The following SRBD1 variants were observed in gnomAD, a reference collection of about 807,000 sequenced individuals.
The protein encoded by SRBD1 is S1 RNA binding domain 1.
Under a neutral mutation model 115.3 loss-of-function variants are expected in SRBD1, and 88 were observed. The ratio of observed to expected loss-of-function variants is 0.76; its 90% CI spans 0.64 to 0.91. The LOEUF is 0.91. Among genes scored for constraint, SRBD1 ranks in the 40% least tolerant of loss-of-function variants. The pLI is 0.00. For missense variants in SRBD1, 1,385 were observed against 1,177.4 expected (o/e 1.18, Z -2.58); for synonymous variants, 509 against 407.7 (o/e 1.25, Z -2.99).
At chr2:45,451,022 T>C (rs1481150290) in intron 16 of SRBD1, among the ~76,000 whole-genome samples, 1 of 152,136 alleles carries the variant, frequency 6.6e-6, no homozygotes, top group African/African-American at 2.4e-5. Flanking sequence ...CCTGTAACAG[T>C]AGACGGCCAT....
chr2:45,442,906 G>A (rs576049703), intron 16 of SRBD1, among the ~76,000 whole-genome samples: 6 of 152,094 alleles, frequency 3.9e-5, no homozygotes, highest in South Asian at 2.1e-4. Flanking sequence ...GTAGTGTCTC[G>A]TCCCTAAAAG....
chr2:45,402,312 C>T (rs1316842401), intron 19 of SRBD1, among the ~76,000 whole-genome samples: 3 of 152,154 alleles, frequency 2.0e-5, no homozygotes, highest in Non-Finnish European at 2.9e-5. Flanking sequence ...GAAGTTTCTT[C>T]CCTCCCCAAA....
intron 15 of SRBD1, among the ~76,000 whole-genome samples, chr2:45,478,916 G>A (rs932201837): frequency 2.0e-5 from 3 of 152,134 alleles, no homozygotes; most frequent in African/African-American, 7.2e-5. Flanking sequence ...CCTGAGTTGG[G>A]CAAGTCTATT....
At chr2:45,427,569 G>C (rs910156490) in intron 16 of SRBD1, among the ~76,000 whole-genome samples, 45 of 152,286 alleles carry the variant, frequency 3.0e-4, no homozygotes, top group African/African-American at 9.4e-4. Flanking sequence ...GCAACAAGAA[G>C]AGCTAACTAT....
rs559061398 is a variant in SRBD1, at chr2:45,459,684, A to C, written c.2049+17309T>G. Among the ~76,000 whole-genome samples, 9 of 152,250 alleles carry C rather than the reference A, an allele frequency of 5.9e-5. No homozygotes were observed. The South Asian group carries it at 1.7e-3, about 28-fold the overall frequency. ...TGCACCTTGAGGCACTTCCATGTCT[A>C]ATTTTTTTCCCTTTAACACTCCTTC... On this transcript the variant is annotated intron_variant, in intron 16 of 20. Transcript: ENST00000263736.
At chr2:45,427,136 A>T (rs1054508895) in intron 16 of SRBD1, among the ~76,000 whole-genome samples, 1 of 152,220 alleles carries the variant, frequency 6.6e-6, no homozygotes, top group African/African-American at 2.4e-5. Flanking sequence ...ACTAAAGGAA[A>T]AATAAGCAGG....
intron 6 of SRBD1, among the ~76,000 whole-genome samples, chr2:45,580,743 T>A (rs1223414201): frequency 1.2e-4 from 17 of 139,330 alleles, no homozygotes; most frequent in African/African-American, 4.4e-4. Flanking sequence ...TGGAGTGCAG[T>A]GGCACGATCT....
intron 10 of SRBD1, among the ~76,000 whole-genome samples, chr2:45,554,851 C>A (rs748902786): frequency 6.6e-6 from 1 of 152,130 alleles, no homozygotes; most frequent in Non-Finnish European, 1.5e-5. Flanking sequence ...GATTATAGCT[C>A]CCCTTAACTG....
At chr2:45,573,858 G>C (rs1403017558) in intron 8 of SRBD1, among the ~76,000 whole-genome samples, 1 of 152,144 alleles carries the variant, frequency 6.6e-6, no homozygotes, top group Non-Finnish European at 1.5e-5. Flanking sequence ...GAGCCACTGA[G>C]AAAATACAAA....
intron 12 of SRBD1, among the ~76,000 whole-genome samples, chr2:45,548,549 CAA>C (rs1672192105): frequency 6.6e-6 from 1 of 151,784 alleles, no homozygotes; most frequent in African/African-American, 2.4e-5. Flanking sequence ...ATCCTATAAG[CAA>C]TACAATAACT....
In SRBD1 at chr2:45,551,302, G is replaced by T. The variant is rs771425624; in HGVS notation, c.1518-20C>A. 2.5e-6 allele frequency: 4 copies of T among 1,575,404 alleles called. No individual in the cohort carries two copies. The highest frequency in any genetic ancestry group is 2.4e-5 in the South Asian group (2 of 82,866). ...TTGGCTCTTTAGAAATAGAAGAAAA[G>T]AAAAAGTTTTTCATTCACCCAAATT... On this transcript the variant is annotated intron_variant, in intron 11 of 20. Coordinates refer to ENST00000263736, the MANE Select transcript of SRBD1 (RefSeq NM_018079.5).
rs80262873 is a variant in SRBD1, at chr2:45,559,910, T to C, written c.1409+2743A>G. On this transcript the variant is annotated intron_variant, in intron 10 of 20. Coordinates refer to ENST00000263736, the MANE Select transcript of SRBD1 (RefSeq NM_018079.5). ...AGCCTGGGAAATATGGCAAAACCCCTGTCTCTACAAGAAAGAAAAATTTAG... is the reference window on the plus strand; with the variant it reads ...AGCCTGGGAAATATGGCAAAACCCCCGTCTCTACAAGAAAGAAAAATTTAG... Among the ~76,000 whole-genome samples, 557 of 152,004 alleles carry C rather than the reference T, an allele frequency of 3.7e-3. 10 individuals are homozygous for C. The highest frequency in any genetic ancestry group is 0.013 in the African/African-American group (528 of 41,440).
chr2:45,538,696 T>C (rs1671841415), intron 14 of SRBD1, among the ~76,000 whole-genome samples: 1 of 152,220 alleles, frequency 6.6e-6, no homozygotes, highest in South Asian at 2.1e-4. Flanking sequence ...AAAGAAAAAG[T>C]TGTTCTCTTC....
chr2:45,582,594 A>AT (rs1460370740), intron 5 of SRBD1, among the ~76,000 whole-genome samples: 9 of 151,922 alleles, frequency 5.9e-5, no homozygotes, highest in African/African-American at 2.2e-4. Context: ...ATGGTTTTTT[A>AT]TTTTACTTAG....
chr2:45,609,962 C>T lies in SRBD1; in HGVS notation c.-1+1257G>A, dbSNP rs534702488. Among the ~76,000 whole-genome samples the T allele has an allele frequency of 1.4e-4, 22 of 152,224 alleles. No individual in the cohort carries two copies. The South Asian group carries it at 4.4e-3, about 30-fold the overall frequency. On this transcript the variant is annotated intron_variant, in intron 1 of 20. Transcript: ENST00000263736. ...AGATGCCCTACAACTATTAAATGAACATAATATGTACAAATATGGTCTCTA... is the reference window on the plus strand; with the variant it reads ...AGATGCCCTACAACTATTAAATGAATATAATATGTACAAATATGGTCTCTA...
At chr2:45,608,470 T>C (rs932742165) in intron 1 of SRBD1, among the ~76,000 whole-genome samples, 4 of 152,284 alleles carry the variant, frequency 2.6e-5, no homozygotes, top group Non-Finnish European at 2.9e-5. Flanking sequence ...TAAACACCAA[T>C]ATTCTTGAGG....
Position 45,573,341 on chromosome 2 carries a change from A to T in SRBD1, c.1171T>A (p.Cys391Ser). Residue 391 changes from cysteine (C) to serine (S), a missense_variant and splice_region_variant, in exon 9 of 21, where the codon TGC becomes AGC. Physicochemically the swap from Cys to Ser is moderately radical, Grantham distance 112 (BLOSUM62 -1). Coordinates refer to ENST00000263736, the MANE Select transcript of SRBD1 (RefSeq NM_018079.5). ...TGGATACAAACATGTCTCTTCTGGC[A>T]CCTGTTCAGATACACAAGTGTTCAA... Reference protein sequence around the residue: ...KDTLDFIRNLCQKRHVCIQSS... With the variant: ...KDTLDFIRNLSQKRHVCIQSS... 6.2e-7 allele frequency: 1 copy of T among 1,607,112 alleles called. No individual in the cohort carries two copies. Among genetic ancestry groups the T allele is most frequent in the Non-Finnish European group, 8.5e-7 (1 of 1,177,846 alleles).
chr2:45,506,945 CTTAA>C (rs1242922523), intron 14 of SRBD1, among the ~76,000 whole-genome samples: 14 of 152,120 alleles, frequency 9.2e-5, no homozygotes, highest in Admixed American at 9.2e-4. Context: ...ACTTGGCTGA[CTTAA>C]TTGATTCCAG....
intron 4 of SRBD1, among the ~76,000 whole-genome samples, chr2:45,596,288 G>C (rs933089168): frequency 1.3e-5 from 2 of 152,066 alleles, no homozygotes; most frequent in African/African-American, 2.4e-5. Context: ...AAGTAATCTT[G>C]CCTTTCTCTT....
Sources: allele counts gnomAD v4.1 joint callset (sites outside exome capture counted in the v4.1 genomes callset), GRCh38; gene constraint gnomAD v4.1.1; transcripts MANE v1.5; gene names NCBI Gene and HGNC (gene_info 2026-07-23, HGNC 2026-07-21).